Variants in HPS1 observed in about 807,000 individuals in gnomAD.
HPS1 encodes HPS1 biogenesis of lysosomal organelles complex 3 subunit 1.
A neutral mutation model predicts 90.6 loss-of-function variants in HPS1; 59 were observed. That is an observed-to-expected ratio of 0.65 (90% CI 0.53 to 0.81). HPS1 has a LOEUF of 0.81. Ranked by LOEUF, HPS1 falls within the 30% of genes least tolerant of loss-of-function variation. The probability of loss-of-function intolerance (pLI) is 0.00; values close to 1 mark genes in which losing one functional copy is unlikely to be tolerated. For synonymous variants in HPS1, 388 were observed against 384.4 expected (o/e 1.01, Z -0.11); for missense variants, 849 against 896.7 (o/e 0.95, Z 0.68).
chr10:98,442,447 G>A (rs529663453), intron 3 of HPS1: 1 of 155,560 alleles, frequency 6.4e-6, no homozygotes, highest in African/African-American at 2.4e-5. Flanking sequence ...CTTTAAATAT[G>A]TGCAATTTAT....
In HPS1 at chr10:98,435,088, A is replaced by G; in HGVS notation, c.398+184T>C. 1.5e-6 allele frequency: 1 copy of G among 662,206 alleles called. No homozygotes were observed. Among genetic ancestry groups the G allele is most frequent in the Non-Finnish European group, 2.6e-6 (1 of 382,606 alleles). 41.0% of individuals were successfully genotyped at this position (662,206 alleles called of 1,614,324 possible). Reference sequence around the variant, plus strand: ...GTTCCATTCTCTGCTCTGTTTCACCAGATATAAAGTCAGAGGGTCAGACCA... The same window carrying G: ...GTTCCATTCTCTGCTCTGTTTCACCGGATATAAAGTCAGAGGGTCAGACCA... On this transcript the variant is annotated intron_variant, in intron 5 of 19. Coordinates refer to ENST00000361490, the MANE Select transcript of HPS1 (RefSeq NM_000195.5). The surrounding 1 kb of genome is among the most constrained non-coding windows in gnomAD (Gnocchi z 4.3).
At chr10:98,426,953 CT>C (rs1236480787) in intron 11 of HPS1, among the ~76,000 whole-genome samples, 1 of 152,176 alleles carries the variant, frequency 6.6e-6, no homozygotes, top group East Asian at 1.9e-4. Context: ...TGGACTTTCA[CT>C]CCCAAGAACA....
intron 18 of HPS1, among the ~76,000 whole-genome samples, chr10:98,419,440 C>T (rs1034025337): frequency 6.6e-6 from 1 of 152,032 alleles, no homozygotes; most frequent in Non-Finnish European, 1.5e-5. Context: ...AGCCACTGCA[C>T]CCCTCACAGC....
intron 9 of HPS1, 63 bp downstream of exon 9, chr10:98,429,728 C>T (rs760079726): frequency 1.9e-6 from 3 of 1,613,492 alleles, no homozygotes; most frequent in Admixed American, 3.3e-5. Flanking sequence ...ATGGGAAAGG[C>T]CTGGTCGCCT....
chr10:98,418,126 T>C (rs1193373443), intron 19 of HPS1, 49 bp downstream of exon 19: 4 of 1,264,780 alleles, frequency 3.2e-6, no homozygotes, highest in Non-Finnish European at 3.4e-6. Context: ...CGAGCACTTA[T>C]CACCCAAATG....
At chr10:98,443,303 G>A (rs1938795607) in intron 2 of HPS1, 63 bp from the exon 3 acceptor site, 12 of 1,217,518 alleles carry the variant, frequency 9.9e-6, no homozygotes, top group South Asian at 1.2e-5. Flanking sequence ...CTCAGTCTGA[G>A]TAACGAAGAG....
chr10:98,430,453 C>G (rs759569870), intron 8 of HPS1, 118 bp downstream of exon 8: 5 of 782,872 alleles, frequency 6.4e-6, no homozygotes, highest in African/African-American at 5.1e-5. Flanking sequence ...ACCACACACC[C>G]AGAATTGTGA....
chr10:98,419,617 C>T (rs547040351), intron 18 of HPS1, among the ~76,000 whole-genome samples: 1 of 152,360 alleles, frequency 6.6e-6, no homozygotes, highest in South Asian at 2.1e-4. Context: ...AGTGTCTCCT[C>T]AGGCAGCCTG....
At chr10:98,424,503 G>T in intron 13 of HPS1, 129 bp from the exon 14 acceptor site, 1 of 790,094 alleles carries the variant, frequency 1.3e-6, no homozygotes, top group Non-Finnish European at 2.1e-6. Context: ...TCTGGCCAAT[G>T]CAGGCTACCC....
Position 98,429,794 on chromosome 10 carries a change from C to T in HPS1, c.864G>A (p.Glu288=). ...STGPTGGSSA[E]TETDSFSLPE... is the part of the protein sequence containing the mutation. ...CCACGAAGTGCACAGCACACACCGT[C>T]TCTGCAGAGCTCCCCCCAGTTGGGC... Residue 288 remains glutamate (E), a synonymous_variant, in exon 9 of 20, where the codon GAG becomes GAA. Transcript: ENST00000361490. The T allele has an allele frequency of 6.2e-7, 1 of 1,613,912 alleles. No individual in the cohort carries two copies. Among genetic ancestry groups the T allele is most frequent in the South Asian group, 1.1e-5 (1 of 91,086 alleles).
In HPS1 at chr10:98,430,023, T is replaced by C. The variant is rs1471702557; in HGVS notation, c.769-134A>G. On this transcript the variant is annotated intron_variant, in intron 8 of 19. Coordinates refer to ENST00000361490, the MANE Select transcript of HPS1 (RefSeq NM_000195.5). The stretch of plus-strand genomic sequence containing the variant: ...CCCGTTCCGGGTGCAGTCCTGGGTG[T>C]GTGGTCCTCAGACTTCCCAGGGATT... 5.4e-5 allele frequency: 39 copies of C among 726,974 alleles called. 1 individual carries two copies. The highest frequency in any genetic ancestry group is 6.8e-5 in the Non-Finnish European group (30 of 438,140). The allele number at this position is 726,974 out of a possible 1,614,324, so 45.0% of individuals were successfully genotyped here.
downstream of HPS1, chr10:98,414,190 T>C (rs558099950): frequency 6.6e-6 from 1 of 152,184 alleles, no homozygotes; most frequent in South Asian, 2.1e-4. Context: ...CTAGTACATA[T>C]GAAAATGAAG....
chr10:98,433,839 A>G, intron 6 of HPS1, 144 bp downstream of exon 6: 1 of 1,241,414 alleles, frequency 8.1e-7, no homozygotes, highest in Non-Finnish European at 1.1e-6. Flanking sequence ...CCATATGGCC[A>G]GAAAGAACAA....
intron 11 of HPS1, chr10:98,426,204 G>A (rs1328658226): frequency 2.7e-5 from 15 of 559,094 alleles, no homozygotes; most frequent in East Asian, 1.5e-4. Context: ...AGTCTGGCCC[G>A]GGTGCCAAGC....
intron 6 of HPS1, among the ~76,000 whole-genome samples, chr10:98,432,943 G>A (rs1348558962): frequency 6.6e-6 from 1 of 152,154 alleles, no homozygotes; most frequent in Non-Finnish European, 1.5e-5. Context: ...TTTAGAAATG[G>A]AAGTTCTAGG....
At chr10:98,434,162 C>A (rs530605405) in intron 5 of HPS1, 71 bp from the exon 6 acceptor site, 2 of 1,453,690 alleles carry the variant, frequency 1.4e-6, no homozygotes, top group African/African-American at 2.8e-5. Flanking sequence ...AACCAAAGGA[C>A]CACAGTCTCA....
rs1161707915 is a variant in HPS1 at position 98,434,025 on chromosome 10, G to A, written c.465C>T (p.Thr155=). ...LWEHFQSLLW[T]YSRLREQEQC... is the part of the protein sequence containing the mutation. The stretch of plus-strand genomic sequence containing the variant: ...GCTCCTGCTCCCGCAGGCGGCTGTA[G>A]GTCCACAGCAGGCTCTGGAAGTGCT... Residue 155 remains threonine, a synonymous_variant, in exon 6 of 20, where the codon ACC becomes ACT. Transcript: ENST00000361490. The A allele has an allele frequency of 6.4e-7, 1 of 1,558,262 alleles. No individual in the cohort carries two copies. The highest frequency in any genetic ancestry group is 8.7e-7 in the Non-Finnish European group (1 of 1,150,918).
In HPS1 at chr10:98,435,677, G is replaced by A; in HGVS notation, c.213C>T (p.Cys71=). ...GGAAGTTGCCATTTTCCGTGGAGAA[G>A]CAGGTGTAGGTGTCCGAGAGCTTCT... ...MLEKLSDTYT[C]FSTENGNFLY... is the part of the protein sequence containing the mutation. The change falls in exon 4 of 20, where the codon TGC becomes TGT. Residue 71 remains cysteine (C), a synonymous_variant. Transcript: ENST00000361490. This position sits in a 1 kb window ranked among gnomAD's most constrained non-coding sequence, Gnocchi z 4.3. 1 of 1,614,216 alleles carries A rather than the reference G, an allele frequency of 6.2e-7. No homozygotes were observed. Among genetic ancestry groups the A allele is most frequent in the Non-Finnish European group, 8.5e-7 (1 of 1,180,030 alleles).
intron 12 of HPS1, 41 bp from the exon 13 acceptor site, chr10:98,425,761 C>G: frequency 6.3e-7 from 1 of 1,598,726 alleles, no homozygotes; most frequent in Non-Finnish European, 8.5e-7. Context: ...GGGGCTGCCC[C>G]TGGGGAAGAC....
Sources: gnomAD v4.1 joint callset for allele counts (sites outside exome capture counted in the v4.1 genomes callset) on GRCh38, gnomAD v4.1.1 for gene constraint, Gnocchi (gnomAD v3.1) non-coding constraint, MANE v1.5 for transcripts, NCBI Gene and HGNC (gene_info 2026-07-23, HGNC 2026-07-21) for gene names.